Variants in PHF8 observed in about 807,000 individuals in gnomAD.
PHF8 encodes PHD finger protein 8, also known as histone lysine demethylase PHF8.
A neutral mutation model predicts 74.4 loss-of-function variants in PHF8; 9 were observed. The observed-to-expected ratio is 0.12, with a 90% CI of 0.07 to 0.21. The LOEUF is 0.21. Among genes scored for constraint, PHF8 ranks in the 10% least tolerant of loss-of-function variants. The pLI is 1.00. For missense variants in PHF8, 478 were observed against 816.6 expected (o/e 0.59, Z 5.05); for synonymous variants, 311 against 316.6 (o/e 0.98, Z 0.19).
chrX:54,038,343 G>A (rs1429840114), intron 2 of PHF8, among the ~76,000 whole-genome samples: 2 of 112,327 alleles, frequency 1.8e-5, no homozygotes, highest in Non-Finnish European at 3.8e-5. Flanking sequence ...AAAAGAGAAT[G>A]ACTGGTGTAC....
chrX:53,996,230 C>T (rs1477868594), intron 11 of PHF8, among the ~76,000 whole-genome samples: 1 of 110,230 alleles, frequency 9.1e-6, no homozygotes, highest in African/African-American at 3.3e-5. Context: ...GATTCTCCTG[C>T]CTCAGCCTCC....
At chrX:54,018,778 G>A (rs1402835148) in intron 4 of PHF8, among the ~76,000 whole-genome samples, 1 of 110,518 alleles carries the variant, frequency 9.0e-6, no homozygotes, top group African/African-American at 3.3e-5. Flanking sequence ...GCGCCACCAC[G>A]CCCAGCTAAT....
At chrX:54,044,529 G>T (rs2066615095), upstream of PHF8, 9 of 429,691 alleles carry the variant, frequency 2.1e-5, no homozygotes, top group Admixed American at 9.0e-5. Flanking sequence ...TGACGTCATC[G>T]GGGGGGCGGG....
intron 18 of PHF8, among the ~76,000 whole-genome samples, chrX:53,976,477 A>C (rs1001415940): frequency 1.8e-5 from 2 of 110,442 alleles, no homozygotes; most frequent in Non-Finnish European, 3.8e-5. Flanking sequence ...TAGAAAATGA[A>C]ACCAAAAATA....
chrX:53,958,392 G>A (rs1256626141), intron 19 of PHF8, among the ~76,000 whole-genome samples: 2 of 107,637 alleles, frequency 1.9e-5, no homozygotes, highest in African/African-American at 3.4e-5. Context: ...TATAAAATAC[G>A]TTTCCAACTG....
At chrX:53,960,689 C>T (rs1294159328) in intron 19 of PHF8, among the ~76,000 whole-genome samples, 3 of 108,531 alleles carry the variant, frequency 2.8e-5, no homozygotes, top group African/African-American at 6.7e-5. Flanking sequence ...GCGGAGATTG[C>T]AGTGAGCCAA....
chrX:53,984,084 G>A (rs1176279414), intron 18 of PHF8, among the ~76,000 whole-genome samples: 1 of 112,333 alleles, frequency 8.9e-6, no homozygotes, highest in South Asian at 3.7e-4. Context: ...AACAATGGCC[G>A]GGCGCGATGG....
At chrX:54,027,878 T>C (rs1040086690) in intron 2 of PHF8, among the ~76,000 whole-genome samples, 6 of 109,996 alleles carry the variant, frequency 5.5e-5, no homozygotes, top group South Asian at 3.9e-4. Context: ...ATCAATGCAA[T>C]TGGTGAAACA....
At chrX:54,007,322 T>C (rs1557105575) in intron 8 of PHF8, among the ~76,000 whole-genome samples, 1 of 111,494 alleles carries the variant, frequency 9.0e-6, no homozygotes. Context: ...GAAGAAAACA[T>C]AGGCATAAAT....
In PHF8 at chrX:54,016,585, C is replaced by A. The variant is rs782442774; in HGVS notation, c.596+10G>T. On this transcript the variant is annotated intron_variant, in intron 6 of 21. Transcript: ENST00000338154. The stretch of plus-strand genomic sequence containing the variant: ...TTGTCAGGTTTTTTTGTTATTCCTG[C>A]ACCTCTTACCTGGTATCAGAGAATT... 1 of 1,200,259 alleles carries A rather than the reference C, an allele frequency of 8.3e-7. No homozygotes were observed. The highest frequency in any genetic ancestry group is 1.8e-5 in the South Asian group (1 of 56,699).
intron 18 of PHF8, among the ~76,000 whole-genome samples, chrX:53,984,538 A>G (rs2065530120): frequency 8.9e-6 from 1 of 112,072 alleles, no homozygotes; most frequent in African/African-American, 3.2e-5. Flanking sequence ...TGCAAGGGAC[A>G]AACTGGCCAA....
chrX:53,955,242 T>C (rs1260487363), intron 19 of PHF8, among the ~76,000 whole-genome samples: 3 of 110,979 alleles, frequency 2.7e-5, no homozygotes, highest in Non-Finnish European at 5.7e-5. Context: ...CATATCTCTA[T>C]TTTTATTTCT....
intron 11 of PHF8, among the ~76,000 whole-genome samples, chrX:53,997,444 A>C (rs1316401081): frequency 2.7e-5 from 3 of 109,921 alleles, no homozygotes; most frequent in Non-Finnish European, 5.7e-5. Flanking sequence ...CTTTTCATCT[A>C]TCTGGTGGAA....
chrX:54,042,279 C>A (rs1648368438), intron 2 of PHF8, among the ~76,000 whole-genome samples: 1 of 101,763 alleles, frequency 9.8e-6, no homozygotes. Context: ...CCAGCCTGGG[C>A]AACGAGCGAA....
At position 53,996,595 on chromosome X, in the gene PHF8, G is replaced by A. The variant is rs150385850; in HGVS notation, c.1234-813C>T. ...GTCTTACTCTGCCACCCAGGCTGGA[G>A]TTCAGTGGTGTGGTGGTCTCGGCTC... On this transcript the variant is annotated intron_variant, in intron 11 of 21. Coordinates refer to ENST00000338154, the MANE Select transcript of PHF8 (RefSeq NM_015107.3). Among the ~76,000 whole-genome samples the A allele has an allele frequency of 5.1e-3, 571 of 111,048 alleles. 4 individuals are homozygous for A. The highest frequency in any genetic ancestry group is 0.028 in the Middle Eastern group (6 of 218).
At chrX:53,968,497 A>G (rs1161745247) in intron 18 of PHF8, among the ~76,000 whole-genome samples, 2 of 112,706 alleles carry the variant, frequency 1.8e-5, no homozygotes, top group African/African-American at 6.4e-5. Flanking sequence ...ACCAAACATT[A>G]AAACAACAAT....
chrX:54,019,787 C>CAAAAA (rs781792263), intron 4 of PHF8, among the ~76,000 whole-genome samples: 9 of 27,586 alleles, frequency 3.3e-4, no homozygotes, highest in East Asian at 1.1e-3. Flanking sequence ...GACACCGCCT[C>CAAAAA]AAAAAAAAAA....
chrX:53,955,554 TTTC>T (rs1273937300), intron 19 of PHF8, among the ~76,000 whole-genome samples: 13 of 40,717 alleles, frequency 3.2e-4, no homozygotes, highest in African/African-American at 9.9e-4. Context: ...GGTCTCTTCT[TTTC>T]TTTTTTTTTT....
chrX:53,995,132 A>G, intron 12 of PHF8: 1 of 341,904 alleles, frequency 2.9e-6, no homozygotes, highest in Non-Finnish European at 5.9e-6. Flanking sequence ...ATCTCTTACC[A>G]CTATACCTTA....
Sources: allele counts gnomAD v4.1 joint callset (sites outside exome capture counted in the v4.1 genomes callset), GRCh38; gene constraint gnomAD v4.1.1; transcripts MANE v1.5; gene names NCBI Gene and HGNC (gene_info 2026-07-23, HGNC 2026-07-21).